NAPEPLD: variants seen among roughly 807,000 people sequenced by gnomAD.
NAPEPLD encodes N-acyl phosphatidylethanolamine phospholipase D.
NAPEPLD carries 23 observed loss-of-function variants against 38.1 expected under a neutral mutation model. The ratio of observed to expected loss-of-function variants is 0.60; its 90% CI spans 0.43 to 0.86. The LOEUF (loss-of-function observed/expected upper bound fraction) is 0.86. Among genes scored for constraint, NAPEPLD ranks in the 40% least tolerant of loss-of-function variants. NAPEPLD has a pLI of 0.00. For missense variants in NAPEPLD, 411 were observed against 476.8 expected, an observed-to-expected ratio of 0.86 and a Z score of 1.28; for synonymous variants, 147 against 162.0, an observed-to-expected ratio of 0.91 and a Z score of 0.71.
At chr7:103,129,363 G>A (rs771776418) in intron 1 of NAPEPLD, 6 of 979,110 alleles carry the variant, frequency 6.1e-6, no homozygotes, top group Non-Finnish European at 7.3e-6. Context: ...CAGCCAGCAT[G>A]TAAGCATATT....
At chr7:103,135,368 C>G (rs1186986918) in intron 1 of NAPEPLD, among the ~76,000 whole-genome samples, 2 of 152,114 alleles carry the variant, frequency 1.3e-5, no homozygotes, top group Non-Finnish European at 2.9e-5. Context: ...TTAAACTGTT[C>G]CCATCCTTCA....
At chr7:103,108,008 G>A (rs1803735561) in intron 4 of NAPEPLD, among the ~76,000 whole-genome samples, 1 of 152,018 alleles carries the variant, frequency 6.6e-6, no homozygotes, top group African/African-American at 2.4e-5. Flanking sequence ...AGAAACTTCA[G>A]GTTACCCATA....
chr7:103,115,019 G>T (rs764656007), intron 4 of NAPEPLD, 41 bp downstream of exon 4: 5 of 1,467,190 alleles, frequency 3.4e-6, no homozygotes, highest in South Asian at 1.2e-5. Flanking sequence ...TCCTATCATT[G>T]GTCAAACACA....
chr7:103,142,620 G>A lies in NAPEPLD; in HGVS notation c.-17+6191C>T, dbSNP rs535293833. Among the ~76,000 whole-genome samples, 4 of 152,034 alleles carry A rather than the reference G, an allele frequency of 2.6e-5. No homozygotes were observed. The South Asian group carries it at 6.2e-4, about 24-fold the overall frequency. ...AAGAAAGTTTGACAGGGCAAGGCTT[G>A]TACTCAATCCAACTGAGTCACAAAT... On this transcript the variant is annotated intron_variant, in intron 1 of 4. Coordinates refer to ENST00000465647, the MANE Select transcript of NAPEPLD (RefSeq NM_001122838.3).
rs752684377 is a variant in NAPEPLD at position 103,119,786 on chromosome 7, G to T, written c.732C>A (p.Val244=). The part of the protein sequence containing the change: ...EENCVPGHDK[V]TFVFTPSQHW... ...GCTGGGAAGGTGTAAAGACAAAAGT[G>T]ACCTTATCATGTCCGGGGACACAAT... is the stretch of plus-strand genomic sequence containing the variant. The change falls in exon 3 of 5, where the codon GTC becomes GTA. Residue 244 remains valine (V), a synonymous_variant. Transcript: ENST00000465647. 4 of 1,613,964 alleles carry T rather than the reference G, an allele frequency of 2.5e-6. No individual in the cohort carries two copies. The East Asian group carries it at 8.9e-5, about 36-fold the overall frequency.
chr7:103,141,874 G>C, intron 1 of NAPEPLD: 1 of 1,024,796 alleles, frequency 9.8e-7, no homozygotes, highest in South Asian at 1.3e-5. Context: ...GGTCTAACCA[G>C]ATATTCTTCT....
chr7:103,149,101 G>A (rs993762560), upstream of NAPEPLD: 1 of 985,830 alleles, frequency 1.0e-6, no homozygotes, highest in Admixed American at 6.1e-5. Context: ...CAGCAGTGTG[G>A]ATTGCTCCGC....
At chr7:103,107,262 C>A (rs768123691) in intron 4 of NAPEPLD, among the ~76,000 whole-genome samples, 1 of 152,024 alleles carries the variant, frequency 6.6e-6, no homozygotes, top group Non-Finnish European at 1.5e-5. Context: ...ACATCAAAGA[C>A]CAAAGGTAGA....
rs1469850184 is a variant in NAPEPLD at position 103,141,422 on chromosome 7, T to C, written c.-17+7389A>G. 6 of 876,892 alleles carry C rather than the reference T, an allele frequency of 6.8e-6. No homozygotes were observed. In the South Asian group the frequency reaches 7.8e-5, roughly 11 times the overall value. The allele number at this position is 876,892 out of a possible 1,614,324, so 54.3% of individuals were successfully genotyped here. The stretch of plus-strand genomic sequence containing the variant: ...CTTCTTGGCCTGGAGGTGCTCTTCA[T>C]AGCTCTTGTGTGCTTCCTTGGTCTT... On this transcript the variant is annotated intron_variant, in intron 1 of 4. Coordinates refer to ENST00000465647, the MANE Select transcript of NAPEPLD (RefSeq NM_001122838.3).
rs369409138 is a variant in NAPEPLD at position 103,124,617 on chromosome 7, G to A, written c.294+3866C>T. ...TCTTCCTTTTTGAAAGCTGCAAAAT[G>A]GAAAATCCCAAGACTCATAATTAAC... On this transcript the variant is annotated intron_variant, in intron 2 of 4. Coordinates refer to ENST00000465647, the MANE Select transcript of NAPEPLD (RefSeq NM_001122838.3). Among the ~76,000 whole-genome samples, 20 of 152,200 alleles carry A rather than the reference G, an allele frequency of 1.3e-4. No individual in the cohort carries two copies. The East Asian group carries it at 2.5e-3, about 19-fold the overall frequency.
chr7:103,125,961 T>A (rs1019621604), intron 2 of NAPEPLD, among the ~76,000 whole-genome samples: 1 of 151,834 alleles, frequency 6.6e-6, no homozygotes, highest in African/African-American at 2.4e-5. Flanking sequence ...TTTTTCAGAA[T>A]GCAAATTTTT....
upstream of NAPEPLD, chr7:103,149,401 C>G (rs1319680130): frequency 1.3e-5 from 16 of 1,222,890 alleles, no homozygotes; most frequent in Middle Eastern, 3.2e-4. Flanking sequence ...TCGGGTTCTT[C>G]CTAACCCGAG....
In NAPEPLD at chr7:103,141,767, T is replaced by C. The variant is rs1238224235; in HGVS notation, c.-17+7044A>G. 4 of 854,702 alleles carry C rather than the reference T, an allele frequency of 4.7e-6. No homozygotes were observed. The South Asian group carries it at 5.3e-5, about 11-fold the overall frequency. 52.9% of individuals were successfully genotyped at this position (854,702 alleles called of 1,614,324 possible). On this transcript the variant is annotated intron_variant, in intron 1 of 4. Transcript: ENST00000465647. Reference sequence around the variant, plus strand: ...GTTTTTCCGGCATCAAGCGGGGGAATGGACCATCACAGGCTTGCGGATGAT... The same window carrying C: ...GTTTTTCCGGCATCAAGCGGGGGAACGGACCATCACAGGCTTGCGGATGAT...
chr7:103,126,166 T>C (rs1207311097), intron 2 of NAPEPLD, among the ~76,000 whole-genome samples: 2 of 152,012 alleles, frequency 1.3e-5, no homozygotes, highest in Non-Finnish European at 2.9e-5. Context: ...CTATCAAGGT[T>C]TGCATGCTTG....
Position 103,102,474 on chromosome 7 carries a change from T to G in NAPEPLD, c.*955A>C, listed in dbSNP as rs1230038878. ...CCTCAGCCTCCCAAGTACCTGTGAC[T>G]ACAGGTACACACCACCTCACCCGGC... On this transcript the variant is annotated 3_prime_UTR_variant, in exon 5 of 5. Coordinates refer to ENST00000465647, the MANE Select transcript of NAPEPLD (RefSeq NM_001122838.3). 2 of 152,098 alleles carry G rather than the reference T, an allele frequency of 1.3e-5. No homozygotes were observed. The highest frequency in any genetic ancestry group is 2.9e-5 in the Non-Finnish European group (2 of 68,194). 9.4% of individuals were successfully genotyped at this position (152,098 alleles called of 1,614,324 possible). A position where few individuals can be genotyped will look rare whatever the true frequency, so the allele number is the denominator to read the frequency against.
chr7:103,143,298 T>C (rs539887606), intron 1 of NAPEPLD, among the ~76,000 whole-genome samples: 3 of 152,082 alleles, frequency 2.0e-5, no homozygotes, highest in East Asian at 3.9e-4. Flanking sequence ...TTAAATTCTA[T>C]GTGGTAAAGC....
chr7:103,103,416 G>T lies in NAPEPLD; in HGVS notation c.*13C>A, dbSNP rs149141243. 854 of 1,539,762 alleles carry T rather than the reference G, an allele frequency of 5.5e-4. 6 individuals are homozygous for T. The highest frequency in any genetic ancestry group is 3.8e-3 in the Admixed American group (164 of 42,992). ...GATGCCTTTTTCATTAAAAGTGCCTGTGCTCACATTTATTAAAAGTTTTCA... is the reference window on the plus strand; with the variant it reads ...GATGCCTTTTTCATTAAAAGTGCCTTTGCTCACATTTATTAAAAGTTTTCA... On this transcript the variant is annotated 3_prime_UTR_variant, in exon 5 of 5. Coordinates refer to ENST00000465647, the MANE Select transcript of NAPEPLD (RefSeq NM_001122838.3).
chr7:103,146,391 T>C (rs1230033542), intron 1 of NAPEPLD, among the ~76,000 whole-genome samples: 2 of 151,074 alleles, frequency 1.3e-5, no homozygotes, highest in African/African-American at 4.9e-5. Flanking sequence ...CTAGTGACAA[T>C]GAGAAAGCTT....
intron 1 of NAPEPLD, among the ~76,000 whole-genome samples, chr7:103,136,397 C>A (rs1157017598): frequency 2.2e-5 from 3 of 133,848 alleles, no homozygotes; most frequent in Admixed American, 8.4e-5. Context: ...CATGGCAAAA[C>A]CCTGTCTCTA....
Sources: gnomAD v4.1 joint callset for allele counts (sites outside exome capture counted in the v4.1 genomes callset) on GRCh38, gnomAD v4.1.1 for gene constraint, MANE v1.5 for transcripts, NCBI Gene and HGNC (gene_info 2026-07-23, HGNC 2026-07-21) for gene names.